Variants in CACNA1C observed in about 807,000 individuals in gnomAD.
CACNA1C encodes the protein calcium voltage-gated channel subunit alpha1 C.
CACNA1C carries 30 observed loss-of-function variants against 229.0 expected under a neutral mutation model. The ratio of observed to expected loss-of-function variants is 0.13; its 90% CI spans 0.10 to 0.18. The LOEUF is 0.18. Among genes scored for constraint, CACNA1C ranks in the 10% least tolerant of loss-of-function variants. CACNA1C has a pLI of 1.00. For synonymous variants in CACNA1C, 1,114 were observed against 1,132.5 expected, an observed-to-expected ratio of 0.98 and a Z score of 0.33; for missense variants, 1,658 against 2,845.0, an observed-to-expected ratio of 0.58 and a Z score of 9.49.
chr12:2,409,920 A>C (rs2098787208), intron 3 of CACNA1C, among the ~76,000 whole-genome samples: 1 of 152,210 alleles, frequency 6.6e-6, no homozygotes. Flanking sequence ...GGCTAGGAGG[A>C]AAATGGGGCA....
chr12:2,164,242 C>G (rs1418296675), intron 3 of CACNA1C, among the ~76,000 whole-genome samples: 1 of 152,246 alleles, frequency 6.6e-6, no homozygotes, highest in Non-Finnish European at 1.5e-5. Flanking sequence ...GGGCCAGACA[C>G]TGGGTCTGCT....
At chr12:2,611,823 C>G in intron 28 of CACNA1C, 80 bp from the exon 29 acceptor site, 1 of 885,662 alleles carries the variant, frequency 1.1e-6, no homozygotes, top group Non-Finnish European at 1.8e-6. Context: ...CGAGGGCCTT[C>G]GAGAAGGCTG....
At chr12:2,591,863 G>A (rs1218051321) in intron 18 of CACNA1C, among the ~76,000 whole-genome samples, 1 of 152,202 alleles carries the variant, frequency 6.6e-6, no homozygotes, top group Non-Finnish European at 1.5e-5. Flanking sequence ...ACTTCTTGTG[G>A]TTGCCGGCAG....
In CACNA1C at chr12:2,677,107, C is replaced by T. The variant is rs779550437; in HGVS notation, c.4842C>T (p.Thr1614=). Residue 1614 remains threonine (T), a synonymous_variant, in exon 40 of 47, where the codon ACC becomes ACT. Transcript: ENST00000399655. This position sits in a 1 kb window ranked among gnomAD's most constrained non-coding sequence, Gnocchi z 7.4. Reference sequence around the variant, plus strand: ...CATACGTCTCAGATGATGAGGTCACCGTTGGCAAGTTCTACGCCACGTTCC... The same window carrying T: ...CATACGTCTCAGATGATGAGGTCACTGTTGGCAAGTTCTACGCCACGTTCC... ...VVPPAGDDEV[T]VGKFYATFLI... is the part of the protein sequence containing the mutation. 3.7e-6 allele frequency: 6 copies of T among 1,613,290 alleles called. No individual in the cohort carries two copies. Among genetic ancestry groups the T allele is most frequent in the South Asian group, 1.1e-5 (1 of 90,758 alleles).
rs369973774 is a variant in CACNA1C at position 2,560,421 on chromosome 12, G to A, written c.1508+3444G>A. Among the ~76,000 whole-genome samples the A allele has an allele frequency of 1.1e-4, 17 of 152,248 alleles. No individual in the cohort carries two copies. In the East Asian group the frequency reaches 2.7e-3, roughly 24 times the overall value. ...TGGAGTCTCTAGGGAAAATGTGGCCGGTTAGTGGATTACAGCCATAGTGGA... is the reference window on the plus strand; with the variant it reads ...TGGAGTCTCTAGGGAAAATGTGGCCAGTTAGTGGATTACAGCCATAGTGGA... On this transcript the variant is annotated intron_variant, in intron 11 of 46. Transcript: ENST00000399655.
chr12:2,106,491 G>GA (rs2078687349), intron 1 of CACNA1C, among the ~76,000 whole-genome samples: 1 of 104,434 alleles, frequency 9.6e-6, no homozygotes, highest in Non-Finnish European at 2.0e-5. Flanking sequence ...CCCACCCCGG[G>GA]GAGGGTTTCC....
At chr12:2,619,359 C>A (rs1325405479) in intron 29 of CACNA1C, among the ~76,000 whole-genome samples, 1 of 152,206 alleles carries the variant, frequency 6.6e-6, no homozygotes, top group Non-Finnish European at 1.5e-5. Flanking sequence ...GCGCCCAGCC[C>A]TCTAACTCAG....
chr12:2,589,431 G>A (rs1365664132), intron 18 of CACNA1C, among the ~76,000 whole-genome samples: 3 of 152,274 alleles, frequency 2.0e-5, no homozygotes, highest in Non-Finnish European at 4.4e-5. Flanking sequence ...GGAGCGAAGA[G>A]CTCTCTAGGT....
chr12:2,106,958 C>A (rs12371046), intron 1 of CACNA1C, among the ~76,000 whole-genome samples: 2 of 23,242 alleles, frequency 8.6e-5, no homozygotes, highest in African/African-American at 1.2e-4. Context: ...AGCCACTGGG[C>A]GCCCACCCCG....
At chr12:2,114,426 G>A (rs748578361) in intron 1 of CACNA1C, among the ~76,000 whole-genome samples, 30 of 152,224 alleles carry the variant, frequency 2.0e-4, no homozygotes, top group Middle Eastern at 3.4e-3. Context: ...CACTTTTGCT[G>A]TACTTTATTG....
At chr12:2,551,536 C>T (rs192227772) in intron 10 of CACNA1C, among the ~76,000 whole-genome samples, 1 of 152,298 alleles carries the variant, frequency 6.6e-6, no homozygotes, top group African/African-American at 2.4e-5. Context: ...CATCTCCCTA[C>T]CTCCCACCCC....
chr12:2,604,167 G>T (rs2074167920), intron 22 of CACNA1C, among the ~76,000 whole-genome samples: 1 of 152,180 alleles, frequency 6.6e-6, no homozygotes, highest in Admixed American at 6.5e-5. Flanking sequence ...AGGTTGTGTG[G>T]CTGGCTTTGA....
intron 3 of CACNA1C, among the ~76,000 whole-genome samples, chr12:2,204,972 A>C (rs960392036): frequency 2.0e-5 from 3 of 147,686 alleles, no homozygotes; most frequent in African/African-American, 7.5e-5. Context: ...AAACAAAAAC[A>C]AAAAAAAAAC....
rs2094395358 is a variant in CACNA1C, at chr12:2,646,745, C to A, written c.3913-1730C>A. Among the ~76,000 whole-genome samples the A allele has an allele frequency of 6.9e-6, 1 of 145,934 alleles. No individual in the cohort carries two copies. Among genetic ancestry groups the A allele is most frequent in the Admixed American group, 7.1e-5 (1 of 14,182 alleles). ...TGCCAAGAAATTTCTTCTGTGCATGCCTGTATGAGAGAGAGAGAGAGAAAG... is the reference window on the plus strand; with the variant it reads ...TGCCAAGAAATTTCTTCTGTGCATGACTGTATGAGAGAGAGAGAGAGAAAG... On this transcript the variant is annotated intron_variant, in intron 30 of 46. Coordinates refer to ENST00000399655, the MANE Select transcript of CACNA1C (RefSeq NM_000719.7). This position sits in a 1 kb window ranked among gnomAD's most constrained non-coding sequence, Gnocchi z 4.6.
At chr12:2,075,638 A>G (rs1257734641) in intron 1 of CACNA1C, among the ~76,000 whole-genome samples, 2 of 152,196 alleles carry the variant, frequency 1.3e-5, no homozygotes, top group Non-Finnish European at 2.9e-5. Context: ...CTTAAATAGC[A>G]GTCCATAGGT....
chr12:2,478,705 T>A (rs2099644173), intron 5 of CACNA1C, among the ~76,000 whole-genome samples: 1 of 152,174 alleles, frequency 6.6e-6, no homozygotes, highest in Non-Finnish European at 1.5e-5. Context: ...GGTCAATAGT[T>A]GGTACAAGGA....
At position 2,488,646 on chromosome 12, in the gene CACNA1C, C is replaced by T. The variant is rs913660805; in HGVS notation, c.916+2384C>T. ...CCTGCAAGTTCAGAAGAGAAGTAGGCTCCCATCACAGAAATGGCCATGAGC... is the reference window on the plus strand; with the variant it reads ...CCTGCAAGTTCAGAAGAGAAGTAGGTTCCCATCACAGAAATGGCCATGAGC... On this transcript the variant is annotated intron_variant, in intron 6 of 46. Coordinates refer to ENST00000399655, the MANE Select transcript of CACNA1C (RefSeq NM_000719.7). This position sits in a 1 kb window ranked among gnomAD's most constrained non-coding sequence, Gnocchi z 4.0. 6.6e-6 allele frequency among the ~76,000 whole-genome samples: 1 copy of T among 152,204 alleles called. No homozygotes were observed. Among genetic ancestry groups the T allele is most frequent in the South Asian group, 2.1e-4 (1 of 4,828 alleles).
chr12:2,413,945 C>T (rs1434343875), intron 3 of CACNA1C, among the ~76,000 whole-genome samples: 3 of 152,182 alleles, frequency 2.0e-5, no homozygotes, highest in Non-Finnish European at 2.9e-5. Context: ...AAAGCTGAGA[C>T]CATCTGATGA....
At chr12:2,206,848 G>A (rs893411978) in intron 3 of CACNA1C, among the ~76,000 whole-genome samples, 2 of 152,140 alleles carry the variant, frequency 1.3e-5, no homozygotes, top group Non-Finnish European at 2.9e-5. Context: ...ATGTGTTCCT[G>A]GGAGAATACA....
Sources: gnomAD v4.1 joint callset for allele counts (sites outside exome capture counted in the v4.1 genomes callset) on GRCh38, gnomAD v4.1.1 for gene constraint, Gnocchi (gnomAD v3.1) non-coding constraint, MANE v1.5 for transcripts, NCBI Gene and HGNC (gene_info 2026-07-23, HGNC 2026-07-21) for gene names.